The following TENT4A variants were observed in gnomAD, a reference collection of about 807,000 sequenced individuals.
TENT4A encodes the protein terminal nucleotidyltransferase 4A.
Under a neutral mutation model 72.8 loss-of-function variants are expected in TENT4A, and 7 were observed. The observed-to-expected ratio is 0.10, with a 90% CI of 0.05 to 0.18. TENT4A has a LOEUF of 0.18. Among genes scored for constraint, TENT4A ranks in the 10% least tolerant of loss-of-function variants. The pLI is 1.00. For synonymous variants in TENT4A, 456 were observed against 434.3 expected (o/e 1.05, Z -0.62); for missense variants, 831 against 1,017.7 (o/e 0.82, Z 2.50).
intron 1 of TENT4A, among the ~76,000 whole-genome samples, chr5:6,733,823 C>A (rs1741329429): frequency 6.6e-6 from 1 of 152,160 alleles, no homozygotes; most frequent in South Asian, 2.1e-4. Context: ...CAGGGCTTAT[C>A]TGTGAAGGTA....
At chr5:6,727,706 G>A (rs925728540) in intron 1 of TENT4A, among the ~76,000 whole-genome samples, 5 of 152,296 alleles carry the variant, frequency 3.3e-5, no homozygotes, top group South Asian at 2.1e-4. Flanking sequence ...GTTCACAGCC[G>A]TGGTTGCCAG....
chr5:6,748,167 C>T (rs1020616533), intron 7 of TENT4A, among the ~76,000 whole-genome samples: 3 of 152,180 alleles, frequency 2.0e-5, no homozygotes, highest in East Asian at 1.9e-4. Context: ...GCTGTCACTC[C>T]GTCTGTGAAT....
In TENT4A at chr5:6,739,754, G is replaced by A; in HGVS notation, c.910G>A (p.Gly304Arg). The A allele has an allele frequency of 1.2e-6, 2 of 1,614,170 alleles. No individual in the cohort carries two copies. Among genetic ancestry groups the A allele is most frequent in the Non-Finnish European group, 1.7e-6 (2 of 1,180,008 alleles). Residue 304 changes from glycine to arginine, a missense_variant, in exon 4 of 13, where the codon GGG becomes AGG. Physicochemically the swap from Gly to Arg is moderately radical, Grantham distance 125. Around this residue, in one of 3 missense-constraint regions of TENT4A, gnomAD observed 197 missense variants for 399.6 expected, o/e 0.49. Transcript: ENST00000230859. The stretch of plus-strand genomic sequence containing the variant: ...CAGCGACATAGACCTGGTGGTCTTC[G>A]GGAAATGGGAGCGTCCTCCTTTACA... ...PTSDIDLVVF[G>R]KWERPPLQLL... is the part of the protein sequence containing the mutation.
Position 6,717,337 on chromosome 5 carries a change from A to G in TENT4A, c.716+2638A>G, listed in dbSNP as rs1041210671. Among the ~76,000 whole-genome samples, 4 of 152,204 alleles carry G rather than the reference A, an allele frequency of 2.6e-5. No homozygotes were observed. In the East Asian group the frequency reaches 7.7e-4, roughly 29 times the overall value. On this transcript the variant is annotated intron_variant, in intron 1 of 12. Coordinates refer to ENST00000230859, the MANE Select transcript of TENT4A (RefSeq NM_006999.6). Reference sequence around the variant, plus strand: ...GTTGTGATATAGTCCCAGGACATGCACTTCTGAAAATGCAGTGTGTATTCC... The same window carrying G: ...GTTGTGATATAGTCCCAGGACATGCGCTTCTGAAAATGCAGTGTGTATTCC...
chr5:6,729,437 G>A lies in TENT4A; in HGVS notation c.717-8073G>A, dbSNP rs368081721. Among the ~76,000 whole-genome samples the A allele has an allele frequency of 4.6e-5, 7 of 152,338 alleles. No homozygotes were observed. In the East Asian group the frequency reaches 9.6e-4, roughly 21 times the overall value. On this transcript the variant is annotated intron_variant, in intron 1 of 12. Transcript: ENST00000230859. ...TCTTTCATCCAGTGTAAGGATATCTGGAAAGACAACAGAAAGTATAGCTGT... is the reference window on the plus strand; with the variant it reads ...TCTTTCATCCAGTGTAAGGATATCTAGAAAGACAACAGAAAGTATAGCTGT...
Position 6,755,799 on chromosome 5 carries a change from A to G in TENT4A, c.*854A>G, listed in dbSNP as rs1194158705. 6.6e-6 allele frequency: 1 copy of G among 152,250 alleles called. No individual in the cohort carries two copies. The highest frequency in any genetic ancestry group is 1.5e-5 in the Non-Finnish European group (1 of 68,040). The allele number at this position is 152,250 out of a possible 1,614,324, so 9.4% of individuals were successfully genotyped here. ...ACAGAGTTTTAATGTTTTGGTTTTC[A>G]CTTCTTTTAAACTGGACAACAAATC... On this transcript the variant is annotated 3_prime_UTR_variant, in exon 13 of 13. Transcript: ENST00000230859.
intron 1 of TENT4A, among the ~76,000 whole-genome samples, chr5:6,727,913 C>T (rs1403044740): frequency 1.3e-5 from 2 of 152,238 alleles, no homozygotes; most frequent in Admixed American, 6.5e-5. Context: ...CGAATCCCAT[C>T]TGCTTGCTGT....
At chr5:6,730,219 A>C (rs274699) in intron 1 of TENT4A, among the ~76,000 whole-genome samples, 89,674 of 151,518 alleles carry the variant, frequency 0.59, 27,248 homozygotes, top group Middle Eastern at 0.67. Flanking sequence ...CTCTGCTCAC[A>C]CTCCGGTGAG....
intron 6 of TENT4A, 94 bp from the exon 7 acceptor site, chr5:6,746,120 T>C (rs909319769): frequency 6.3e-7 from 1 of 1,591,804 alleles, no homozygotes; most frequent in Non-Finnish European, 8.5e-7. Context: ...GGTATTGCCT[T>C]GAAGAGGCTG....
intron 1 of TENT4A, among the ~76,000 whole-genome samples, chr5:6,718,964 C>T (rs535182470): frequency 7.9e-4 from 118 of 149,166 alleles, no homozygotes; most frequent in African/African-American, 2.8e-3. Flanking sequence ...CCAATCTTTT[C>T]GCAGGAAAAA....
At chr5:6,743,918 T>C (rs747893434) in intron 6 of TENT4A, 78 bp downstream of exon 6, 25 of 1,333,276 alleles carry the variant, frequency 1.9e-5, no homozygotes, top group Admixed American at 1.0e-4. Flanking sequence ...CCTAGTGGGT[T>C]CCAGCAGCCT....
rs1742739928 is a variant in TENT4A at position 6,757,011 on chromosome 5, C to T, written c.*2066C>T. 1 of 152,512 alleles carries T rather than the reference C, an allele frequency of 6.6e-6. No homozygotes were observed. The allele number at this position is 152,512 out of a possible 1,614,324, so 9.4% of individuals were successfully genotyped here. ...TGACATATTTTTATGTAAAGTTTTT[C>T]TATTCTTTGATTTTTAATAAACTTT... On this transcript the variant is annotated 3_prime_UTR_variant, in exon 13 of 13. Coordinates refer to ENST00000230859, the MANE Select transcript of TENT4A (RefSeq NM_006999.6).
chr5:6,754,538 T>C (rs1054081164), intron 12 of TENT4A, among the ~76,000 whole-genome samples: 4 of 152,176 alleles, frequency 2.6e-5, no homozygotes, highest in Non-Finnish European at 5.9e-5. Context: ...TTTGTGTGGT[T>C]TGATCCTGGT....
At chr5:6,742,374 C>T (rs1741850378) in intron 4 of TENT4A, 116 bp from the exon 5 acceptor site, 1 of 667,658 alleles carries the variant, frequency 1.5e-6, no homozygotes, top group East Asian at 2.8e-5. Context: ...GTTCTCTGAC[C>T]CCCTTTCATT....
intron 1 of TENT4A, chr5:6,715,014 A>G (rs1307321729): frequency 5.5e-6 from 1 of 181,958 alleles, no homozygotes; most frequent in Non-Finnish European, 1.1e-5. Flanking sequence ...GCCTCCGGGC[A>G]AGTGAGGAAC....
At chr5:6,728,071 C>T (rs574703212) in intron 1 of TENT4A, among the ~76,000 whole-genome samples, 3 of 152,184 alleles carry the variant, frequency 2.0e-5, no homozygotes, top group East Asian at 1.9e-4. Context: ...GTCATCTTGG[C>T]GGGGGCCTCA....
At chr5:6,750,571 C>T (rs571229778) in intron 10 of TENT4A, 68 bp downstream of exon 10, 23 of 1,396,504 alleles carry the variant, frequency 1.6e-5, no homozygotes, top group African/African-American at 8.9e-5. Flanking sequence ...TCCATAGCCG[C>T]GAGCTTAAAA....
intron 1 of TENT4A, among the ~76,000 whole-genome samples, chr5:6,725,193 C>T (rs1740851840): frequency 6.6e-6 from 1 of 152,130 alleles, no homozygotes; most frequent in African/African-American, 2.4e-5. Context: ...TGATGGCACG[C>T]ACCTGTAGTC....
In TENT4A at chr5:6,713,904, C is replaced by A; in HGVS notation, c.-80C>A. ...GCCCGTCCGTCCGTCCGTGCGCGCG[C>A]GGCCGGGCCTCGGGGCGCGGCGGGG... On this transcript the variant is annotated 5_prime_UTR_variant, in exon 1 of 13. Transcript: ENST00000230859. 2 of 486,502 alleles carry A rather than the reference C, an allele frequency of 4.1e-6. No homozygotes were observed. The highest frequency in any genetic ancestry group is 5.3e-6 in the Non-Finnish European group (2 of 377,312). The allele number at this position is 486,502 out of a possible 1,614,324, so 30.1% of individuals were successfully genotyped here.
Sources: gnomAD v4.1 joint callset for allele counts (sites outside exome capture counted in the v4.1 genomes callset) on GRCh38, gnomAD v4.1.1 for gene constraint, gnomAD v4.1.1 regional missense constraint, MANE v1.5 for transcripts, NCBI Gene and HGNC (gene_info 2026-07-23, HGNC 2026-07-21) for gene names.